Variants in HERC2 observed in about 807,000 individuals in gnomAD.
HERC2 encodes the protein E3 ubiquitin-protein ligase HERC2.
Under a neutral mutation model 537.7 loss-of-function variants are expected in HERC2, and 102 were observed. The observed-to-expected ratio is 0.19, with a 90% CI of 0.16 to 0.22. The LOEUF (loss-of-function observed/expected upper bound fraction) is 0.22, where lower values mean the gene tolerates loss of function less well. HERC2 is among the 10% of genes least tolerant of loss of function. HERC2 has a pLI of 1.00. For missense variants in HERC2, 4,236 were observed against 6,198.2 expected (o/e 0.68, Z 10.63); for synonymous variants, 2,224 against 2,466.2 (o/e 0.90, Z 2.91).
At chr15:28,131,957 TA>T in intron 81 of HERC2, 142 bp downstream of exon 81, 1 of 611,482 alleles carries the variant, frequency 1.6e-6, no homozygotes, top group Non-Finnish European at 2.8e-6. Flanking sequence ...GGAACGAAGG[TA>T]AAGAGGAGGT....
chr15:28,238,942 T>C (rs1185961529), intron 23 of HERC2, among the ~76,000 whole-genome samples, 170 bp from the exon 24 acceptor site: 6 of 151,932 alleles, frequency 3.9e-5, no homozygotes, highest in South Asian at 4.1e-4. Flanking sequence ...CTGTTAAATA[T>C]AGAATGCTTT....
At chr15:28,160,924 C>T (rs1048536858) in intron 69 of HERC2, among the ~76,000 whole-genome samples, 4 of 152,206 alleles carry the variant, frequency 2.6e-5, no homozygotes, top group African/African-American at 9.7e-5. Flanking sequence ...TCATACCCTT[C>T]CCTCTCACAA....
chr15:28,130,456 A>T lies in HERC2; in HGVS notation c.12662+47T>A, dbSNP rs200111473. ...ATGAAAAGGTGGTGCACATACCCCA[A>T]TAAAAATCTGGTTTTAGTGGGTTTA... On this transcript the variant is annotated intron_variant, in intron 82 of 92. Coordinates refer to ENST00000261609, the MANE Select transcript of HERC2 (RefSeq NM_004667.6). The T allele has an allele frequency of 2.5e-6, 4 of 1,582,608 alleles. No individual in the cohort carries two copies. In the Admixed American group the frequency reaches 6.7e-5, roughly 26 times the overall value.
intron 35 of HERC2, among the ~76,000 whole-genome samples, chr15:28,224,720 C>A (rs1900928992): frequency 2.0e-5 from 3 of 152,098 alleles, no homozygotes; most frequent in African/African-American, 7.2e-5. Flanking sequence ...CTCAAGTATA[C>A]CACAGAACAC....
chr15:28,271,196 C>T (rs1308779467), intron 9 of HERC2, among the ~76,000 whole-genome samples: 1 of 152,212 alleles, frequency 6.6e-6, no homozygotes, highest in Non-Finnish European at 1.5e-5. Context: ...GCAGAACCAC[C>T]TCTGTGGGAA....
In HERC2 at chr15:28,269,333, G is replaced by T. The variant is rs778681307; in HGVS notation, c.1361C>A (p.Thr454Lys). 1.2e-6 allele frequency: 2 copies of T among 1,614,212 alleles called. No homozygotes were observed. Among genetic ancestry groups the T allele is most frequent in the South Asian group, 2.2e-5 (2 of 91,086 alleles). The change falls in exon 11 of 93, where the codon ACA (threonine) becomes AAA (lysine). Residue 454 changes from threonine to lysine, a missense_variant. Thr to Lys is a moderately conservative substitution (Grantham distance 78). Around this residue, in one of 27 missense-constraint regions of HERC2, gnomAD observed 491 missense variants for 559.3 expected, o/e 0.88. Transcript: ENST00000261609. ...QCEGLANLGVTQIACAEKRFL... is the reference protein window; with the variant it reads ...QCEGLANLGVKQIACAEKRFL... ...ACGCTTCTCTGCACAGGCAATCTGTGTGACTCCCAGGTTGGCCAGGCCTTC... is the reference window on the plus strand; with the variant it reads ...ACGCTTCTCTGCACAGGCAATCTGTTTGACTCCCAGGTTGGCCAGGCCTTC...
At chr15:28,136,695 C>T (rs138130604) in intron 78 of HERC2, among the ~76,000 whole-genome samples, 41 of 152,342 alleles carry the variant, frequency 2.7e-4, no homozygotes, top group African/African-American at 9.6e-4. Flanking sequence ...TACGGGAACA[C>T]GGCCACACCC....
intron 84 of HERC2, 132 bp from the exon 85 acceptor site, chr15:28,124,366 C>T: frequency 4.0e-6 from 2 of 498,228 alleles, no homozygotes; most frequent in Non-Finnish European, 6.7e-6. Flanking sequence ...GTTTGGTTTG[C>T]ACAACCTCAC....
chr15:28,241,653 C>T (rs1453896125), intron 23 of HERC2, among the ~76,000 whole-genome samples: 1 of 152,062 alleles, frequency 6.6e-6, no homozygotes, highest in Non-Finnish European at 1.5e-5. Flanking sequence ...AACCCCATCT[C>T]TACTAAAATA....
At chr15:28,161,074 A>T (rs1382416451) in intron 69 of HERC2, among the ~76,000 whole-genome samples, 2 of 152,242 alleles carry the variant, frequency 1.3e-5, no homozygotes, top group Non-Finnish European at 2.9e-5. Context: ...CATGAATAGC[A>T]GATGAAGAAA....
At chr15:28,315,999 T>C (rs1216356206) in intron 2 of HERC2, 1 of 364,430 alleles carries the variant, frequency 2.7e-6, no homozygotes, top group Non-Finnish European at 5.5e-6. Flanking sequence ...TCTGGACTAT[T>C]TCTGTGTTTA....
At chr15:28,293,785 G>C (rs2076387477) in intron 3 of HERC2, among the ~76,000 whole-genome samples, 1 of 152,184 alleles carries the variant, frequency 6.6e-6, no homozygotes, top group African/African-American at 2.4e-5. Context: ...CACTGTGACT[G>C]ATAGCATAAT....
In HERC2 at chr15:28,176,838, T is replaced by C. The variant is rs1288435405; in HGVS notation, c.9433-70A>G. On this transcript the variant is annotated intron_variant, in intron 61 of 92. Transcript: ENST00000261609. The surrounding 1 kb of genome is among the most constrained non-coding windows in gnomAD (Gnocchi z 5.0). Reference sequence around the variant, plus strand: ...AGAAAGCAATGGATTTTCCCACAGATAAAGCCAACCATGCACACATCTTTA... The same window carrying C: ...AGAAAGCAATGGATTTTCCCACAGACAAAGCCAACCATGCACACATCTTTA... The C allele has an allele frequency of 5.0e-6, 8 of 1,586,594 alleles. No individual in the cohort carries two copies. The highest frequency in any genetic ancestry group is 6.9e-6 in the Non-Finnish European group (8 of 1,158,562).
intron 69 of HERC2, 45 bp downstream of exon 69, chr15:28,163,049 A>T (rs757900398): frequency 1.3e-6 from 2 of 1,521,458 alleles, no homozygotes; most frequent in Non-Finnish European, 1.8e-6. Flanking sequence ...GTGGCCCAAC[A>T]TGGAGGAGGT....
chr15:28,167,952 TAC>T, intron 67 of HERC2, 125 bp from the exon 68 acceptor site: 3 of 1,087,510 alleles, frequency 2.8e-6, no homozygotes, highest in South Asian at 1.7e-5. Context: ...TTCCAGATTT[TAC>T]AGAGGTAACA....
At chr15:28,140,499 C>T (rs1479525984) in intron 78 of HERC2, among the ~76,000 whole-genome samples, 2 of 152,022 alleles carry the variant, frequency 1.3e-5, no homozygotes, top group African/African-American at 4.8e-5. Context: ...TATAAACATC[C>T]AATATTTCTA....
At chr15:28,307,670 C>T (rs865985548) in intron 2 of HERC2, among the ~76,000 whole-genome samples, 8 of 152,160 alleles carry the variant, frequency 5.3e-5, no homozygotes, top group Non-Finnish European at 1.0e-4. Flanking sequence ...TCCTCGTTAT[C>T]AATTTTTAGT....
At chr15:28,273,252 T>C (rs1197947722) in intron 7 of HERC2, 1 of 553,692 alleles carries the variant, frequency 1.8e-6, no homozygotes, top group Non-Finnish European at 3.2e-6. Flanking sequence ...ACATACTCCA[T>C]GTATATGAAG....
chr15:28,295,311 G>GA (rs1567131869), intron 3 of HERC2, among the ~76,000 whole-genome samples: 2 of 108,938 alleles, frequency 1.8e-5, no homozygotes, highest in Non-Finnish European at 3.8e-5. Context: ...ATGTGTGTGG[G>GA]GGGGGGGGAG....
Sources: allele counts gnomAD v4.1 joint callset (sites outside exome capture counted in the v4.1 genomes callset), GRCh38; gene constraint gnomAD v4.1.1; regional missense constraint gnomAD v4.1.1; non-coding constraint Gnocchi (gnomAD v3.1); transcripts MANE v1.5; gene names NCBI Gene and HGNC (gene_info 2026-07-23, HGNC 2026-07-21).